The following THEM5 variants were observed in gnomAD, a reference collection of about 807,000 sequenced individuals.
THEM5 encodes the protein thioesterase superfamily member 5.
Under a neutral mutation model 24.2 loss-of-function variants are expected in THEM5, and 28 were observed. The ratio of observed to expected loss-of-function variants is 1.16; its 90% CI spans 0.86 to 1.59. The LOEUF is 1.59. Among genes scored for constraint, THEM5 ranks in the 40% most tolerant of loss-of-function variants. The probability of loss-of-function intolerance (pLI) is 0.00; values close to 1 mark genes in which losing one functional copy is unlikely to be tolerated. For missense variants in THEM5, 260 were observed against 296.8 expected (o/e 0.88, Z 0.91); for synonymous variants, 87 against 114.5 (o/e 0.76, Z 1.53).
chr1:151,852,461 T>G lies in THEM5; in HGVS notation c.124-2A>C. On this transcript the variant is annotated splice_acceptor_variant, in intron 1 of 5. Coordinates refer to ENST00000368817, the MANE Select transcript of THEM5 (RefSeq NM_182578.4). LOFTEE classifies it high-confidence loss of function. ...CTTCTCTGGCAAGAATCTTGAGAAC[T>G]GGGCAGGAAAAATCAGAATGACTAG... The G allele has an allele frequency of 6.2e-7, 1 of 1,614,068 alleles. No individual in the cohort carries two copies. Among genetic ancestry groups the G allele is most frequent in the Non-Finnish European group, 8.5e-7 (1 of 1,180,014 alleles).
chr1:151,848,079 A>T, intron 4 of THEM5, 103 bp downstream of exon 4: 1 of 1,413,220 alleles, frequency 7.1e-7, no homozygotes, highest in Non-Finnish European at 9.9e-7. Context: ...CTGGGGAAGG[A>T]GAGTGGCAGG....
Position 151,852,334 on chromosome 1 carries a change from G to A in THEM5, c.249C>T (p.Ile83=). The A allele has an allele frequency of 6.2e-7, 1 of 1,614,178 alleles. No individual in the cohort carries two copies. Among genetic ancestry groups the A allele is most frequent in the Non-Finnish European group, 8.5e-7 (1 of 1,180,042 alleles). ...TGTTGGACTTGAAGGAGGGCAGCTT[G>A]ATCCAGCCGCTAGACTTAGTCTTCT... is the stretch of plus-strand genomic sequence containing the variant. ...FLEKTKSSGW[I]KLPSFKSNRD... Residue 83 remains isoleucine, a synonymous_variant, in exon 2 of 6, where the codon ATC becomes ATT. Transcript: ENST00000368817.
chr1:151,849,222 T>TA (rs202129122), intron 3 of THEM5, among the ~76,000 whole-genome samples: 283 of 128,868 alleles, frequency 2.2e-3, no homozygotes, highest in Admixed American at 3.0e-3. Context: ...GTCTCAAAAT[T>TA]AAAAAAAAAA....
Position 151,847,452 on chromosome 1 carries a change from C to G in THEM5, c.701-38G>C, listed in dbSNP as rs751037251. On this transcript the variant is annotated intron_variant, in intron 5 of 5. Transcript: ENST00000368817. The stretch of plus-strand genomic sequence containing the variant: ...GGTGAGTTGAGCTGCAAGAGCTGCA[C>G]TGAGATGGCTGGAGCTTGATGGACA... 3.1e-6 allele frequency: 5 copies of G among 1,613,644 alleles called. No homozygotes were observed. In the South Asian group the frequency reaches 4.4e-5, roughly 14 times the overall value.
intron 2 of THEM5, 125 bp downstream of exon 2, chr1:151,852,133 A>C: frequency 1.1e-6 from 1 of 905,056 alleles, no homozygotes; most frequent in Non-Finnish European, 1.8e-6. Flanking sequence ...CTGCAGCATC[A>C]GGGGTGGAGT....
intron 4 of THEM5, 23 bp downstream of exon 4, chr1:151,848,159 A>T (rs201306459): frequency 3.7e-6 from 6 of 1,610,872 alleles, no homozygotes. Flanking sequence ...ACTTTGGCCA[A>T]TGCCCCAGGG....
chr1:151,849,466 C>G (rs1051242533), intron 3 of THEM5, among the ~76,000 whole-genome samples: 3 of 152,268 alleles, frequency 2.0e-5, no homozygotes, highest in Middle Eastern at 3.4e-3. Flanking sequence ...CCAGACCCTT[C>G]CCTCCCTGCT....
intron 2 of THEM5, among the ~76,000 whole-genome samples, chr1:151,851,971 C>T (rs184004780): frequency 2.7e-4 from 41 of 152,136 alleles, no homozygotes; most frequent in African/African-American, 9.6e-4. Context: ...GAGGGGCAGT[C>T]AGTGAGAAGT....
intron 3 of THEM5, among the ~76,000 whole-genome samples, chr1:151,849,809 T>G (rs1653057327): frequency 1.3e-5 from 2 of 152,064 alleles, no homozygotes; most frequent in Non-Finnish European, 2.9e-5. Flanking sequence ...GGCCAACGAG[T>G]AACTCCTCCT....
chr1:151,852,501 G>T lies in THEM5; in HGVS notation c.124-42C>A, dbSNP rs375698330. 1.2e-5 allele frequency: 19 copies of T among 1,603,186 alleles called. No homozygotes were observed. The South Asian group carries it at 1.7e-4, about 14-fold the overall frequency. ...AGAATGACTAGACAGCATCCTGGAGGGGGGCTGCTGCCTGGGCTCGGGACC... is the reference window on the plus strand; with the variant it reads ...AGAATGACTAGACAGCATCCTGGAGTGGGGCTGCTGCCTGGGCTCGGGACC... On this transcript the variant is annotated intron_variant, in intron 1 of 5. Transcript: ENST00000368817.
In THEM5 at chr1:151,852,441, C is replaced by G; in HGVS notation, c.142G>C (p.Glu48Gln). ...GCATAATCCTTCAAGTCTGTCTTCT[C>G]TGGCAAGAATCTTGAGAACTGGGCA... ...TDSMFSRFLPEKTDLKDYALP... is the reference protein window; with the variant it reads ...TDSMFSRFLPQKTDLKDYALP... The change falls in exon 2 of 6, where the codon GAG (glutamate) becomes CAG (glutamine). Residue 48 changes from glutamate (E) to glutamine (Q), a missense_variant. Transcript: ENST00000368817. 6.2e-7 allele frequency: 1 copy of G among 1,614,168 alleles called. No homozygotes were observed. The highest frequency in any genetic ancestry group is 8.5e-7 in the Non-Finnish European group (1 of 1,180,038).
At chr1:151,851,319 C>T (rs761777329) in intron 2 of THEM5, 128 bp from the exon 3 acceptor site, 2 of 1,239,920 alleles carry the variant, frequency 1.6e-6, no homozygotes, top group South Asian at 1.4e-5. Flanking sequence ...AGGTCCACCC[C>T]CAGGGAGCCT....
chr1:151,850,956 G>T, intron 3 of THEM5, 97 bp downstream of exon 3: 3 of 1,475,858 alleles, frequency 2.0e-6, no homozygotes, highest in African/African-American at 1.4e-5. Context: ...TCACCCCTTA[G>T]AGAAAGATAG....
rs770237043 is a variant in THEM5, at chr1:151,847,375, T to C, written c.740A>G (p.Gln247Arg). ...CTCCTGCAGGCACAGTGACTGTTAC[T>C]GGGGAGACTCTTCTTCCAACTGCAG... Reference protein sequence around the residue: ...LQLQLEEESPQ With the variant: ...LQLQLEEESPR Residue 247 changes from glutamine (Q) to arginine (R), a missense_variant, in exon 6 of 6, where the codon CAG (glutamine) becomes CGG (arginine). Coordinates refer to ENST00000368817, the MANE Select transcript of THEM5 (RefSeq NM_182578.4). 1 of 1,613,812 alleles carries C rather than the reference T, an allele frequency of 6.2e-7. No individual in the cohort carries two copies. The highest frequency in any genetic ancestry group is 2.2e-5 in the East Asian group (1 of 44,844).
intron 3 of THEM5, among the ~76,000 whole-genome samples, chr1:151,848,915 CTTTA>C (rs1653027874): frequency 6.6e-6 from 1 of 152,338 alleles, no homozygotes; most frequent in South Asian, 2.1e-4. Context: ...CAGACATTTG[CTTTA>C]TTTAGAATGC....
Position 151,851,130 on chromosome 1 carries a change from A to C in THEM5, c.387T>G (p.Tyr129Ter), listed in dbSNP as rs561316028. The C allele has an allele frequency of 1.6e-5, 26 of 1,614,176 alleles. 1 individual carries two copies. In the African/African-American group the frequency reaches 1.9e-4, roughly 12 times the overall value. The change falls in exon 3 of 6, where the codon TAT becomes TAG. Residue 129 changes from tyrosine (Y) to a stop codon, truncating the protein, a stop_gained. Coordinates refer to ENST00000368817, the MANE Select transcript of THEM5 (RefSeq NM_182578.4). LOFTEE classifies it high-confidence loss of function. The stretch of plus-strand genomic sequence containing the variant: ...TCTGGGTTGGCTGGAAAAAGATGAC[A>C]TACTCAAAGCCTTGTCCTTCCACTT... ...CIQVEGQGFE[Y>*]VIFFQPTQKK...
Position 151,852,448 on chromosome 1 carries a change from G to GA in THEM5, c.134dup (p.Pro47AlafsTer32). 1 of 1,614,192 alleles carries GA rather than the reference G, an allele frequency of 6.2e-7. No homozygotes were observed. Among genetic ancestry groups the GA allele is most frequent in the Non-Finnish European group, 8.5e-7 (1 of 1,180,042 alleles). ...CCTTCAAGTCTGTCTTCTCTGGCAAGAATCTTGAGAACTGGGCAGGAAAAA... is the reference window on the plus strand; with the variant it reads ...CCTTCAAGTCTGTCTTCTCTGGCAAGAAATCTTGAGAACTGGGCAGGAAAAA... On this transcript the variant is annotated frameshift_variant, in exon 2 of 6. Transcript: ENST00000368817. LOFTEE classifies it high-confidence loss of function.
chr1:151,847,268 CA>C lies in THEM5; in HGVS notation c.*102del. 3 of 543,362 alleles carry C rather than the reference CA, an allele frequency of 5.5e-6. No homozygotes were observed. Among genetic ancestry groups the C allele is most frequent in the Non-Finnish European group, 6.4e-6 (2 of 313,258 alleles). 33.7% of individuals were successfully genotyped at this position (543,362 alleles called of 1,614,324 possible). ...GGAGGCAGGAGGCAGGCAGGGGAGG[CA>C]GGAGGCAGGCAGGGGAGGCAGGAGG... On this transcript the variant is annotated 3_prime_UTR_variant, in exon 6 of 6. Transcript: ENST00000368817.
chr1:151,852,141 A>G, intron 2 of THEM5, 117 bp downstream of exon 2: 1 of 988,006 alleles, frequency 1.0e-6, no homozygotes, highest in Non-Finnish European at 1.6e-6. Context: ...TCAGGGGTGG[A>G]GTTGGACAGC....
Sources: gnomAD v4.1 joint callset for allele counts (sites outside exome capture counted in the v4.1 genomes callset) on GRCh38, gnomAD v4.1.1 for gene constraint, MANE v1.5 for transcripts, NCBI Gene and HGNC (gene_info 2026-07-23, HGNC 2026-07-21) for gene names.